Variants in CDH12 observed in about 807,000 individuals in gnomAD.
CDH12 encodes the protein cadherin-12.
Under a neutral mutation model 74.1 loss-of-function variants are expected in CDH12, and 41 were observed. That is an observed-to-expected ratio of 0.55 (90% CI 0.43 to 0.72). CDH12 has a LOEUF of 0.72. Among genes scored for constraint, CDH12 ranks in the 30% least tolerant of loss-of-function variants. CDH12 has a pLI of 0.00. For synonymous variants in CDH12, 399 were observed against 355.0 expected, an observed-to-expected ratio of 1.12 and a Z score of -1.39; for missense variants, 945 against 977.2, an observed-to-expected ratio of 0.97 and a Z score of 0.44.
At chr5:21,886,285 G>A (rs1752624944) in intron 6 of CDH12, among the ~76,000 whole-genome samples, 1 of 151,020 alleles carries the variant, frequency 6.6e-6, no homozygotes, top group Non-Finnish European at 1.5e-5. Flanking sequence ...AATGAAGTAT[G>A]TTTTTTTTCA....
intron 5 of CDH12, among the ~76,000 whole-genome samples, chr5:22,041,852 C>T (rs1332938913): frequency 5.3e-5 from 8 of 152,118 alleles, no homozygotes; most frequent in Admixed American, 5.2e-4. Flanking sequence ...CAGCAGAATA[C>T]AGATTCTTCT....
intron 6 of CDH12, among the ~76,000 whole-genome samples, chr5:21,873,909 C>T (rs1374069165): frequency 2.0e-5 from 2 of 102,182 alleles, no homozygotes; most frequent in Non-Finnish European, 4.1e-5. Context: ...TCCAGCTTCA[C>T]CCATGTCCCT....
At chr5:22,217,074 A>C (rs1434203090) in intron 3 of CDH12, among the ~76,000 whole-genome samples, 1 of 151,828 alleles carries the variant, frequency 6.6e-6, no homozygotes, top group Non-Finnish European at 1.5e-5. Context: ...CATGCCCCAA[A>C]CAACTTATTT....
intron 2 of CDH12, among the ~76,000 whole-genome samples, chr5:22,474,720 C>A (rs181559380): frequency 2.0e-5 from 3 of 152,032 alleles, no homozygotes; most frequent in Non-Finnish European, 4.4e-5. Context: ...ATATACAATA[C>A]ATAGATCAGA....
rs534809170 is a variant in CDH12, at chr5:21,909,933, G to T, written c.527-55143C>A. 5.3e-5 allele frequency among the ~76,000 whole-genome samples: 8 copies of T among 152,222 alleles called. No homozygotes were observed. In the East Asian group the frequency reaches 1.2e-3, roughly 22 times the overall value. On this transcript the variant is annotated intron_variant, in intron 6 of 14. Coordinates refer to ENST00000382254, the MANE Select transcript of CDH12 (RefSeq NM_004061.5). ...TGTAACCCATCCATTTCAAGAGCTA[G>T]TTGACTGGCATGGAATTCCAAATGC...
intron 1 of CDH12, among the ~76,000 whole-genome samples, chr5:22,566,236 T>C (rs948580043): frequency 6.6e-6 from 1 of 151,680 alleles, no homozygotes; most frequent in East Asian, 1.9e-4. Flanking sequence ...TGTTCTTTTT[T>C]CTTTCTTTTT....
At chr5:22,569,562 TG>T (rs1411326052) in intron 1 of CDH12, among the ~76,000 whole-genome samples, 9 of 152,252 alleles carry the variant, frequency 5.9e-5, no homozygotes, top group Admixed American at 1.3e-4. Flanking sequence ...ATCCTGATAC[TG>T]CTCTATCAAC....
chr5:22,344,494 C>A (rs187697480), intron 3 of CDH12, among the ~76,000 whole-genome samples: 1 of 151,966 alleles, frequency 6.6e-6, no homozygotes, highest in Non-Finnish European at 1.5e-5. Context: ...AGATAAGTTT[C>A]AATGTATTTT....
intron 1 of CDH12, among the ~76,000 whole-genome samples, chr5:22,716,585 T>C (rs1743589103): frequency 6.8e-6 from 1 of 147,120 alleles, no homozygotes; most frequent in Non-Finnish European, 1.5e-5. Context: ...CTTAAGCCTA[T>C]TGAGATTAAA....
At chr5:22,333,086 G>A (rs945963146) in intron 3 of CDH12, among the ~76,000 whole-genome samples, 39 of 152,030 alleles carry the variant, frequency 2.6e-4, no homozygotes, top group Non-Finnish European at 1.5e-5. Context: ...TCAATGATAG[G>A]CTGGATAAAG....
intron 4 of CDH12, among the ~76,000 whole-genome samples, chr5:22,125,625 CT>C (rs1159777265): frequency 6.6e-6 from 1 of 152,122 alleles, no homozygotes; most frequent in Admixed American, 6.5e-5. Context: ...TTAGACTGCA[CT>C]TCTACCACCA....
At chr5:22,444,365 C>T (rs975122774) in intron 2 of CDH12, among the ~76,000 whole-genome samples, 11 of 151,968 alleles carry the variant, frequency 7.2e-5, no homozygotes, top group African/African-American at 2.2e-4. Flanking sequence ...TTCTCCCTCT[C>T]GTTTGTAGTT....
intron 3 of CDH12, among the ~76,000 whole-genome samples, chr5:22,395,735 C>T (rs1266922227): frequency 6.6e-6 from 1 of 152,032 alleles, no homozygotes; most frequent in African/African-American, 2.4e-5. Flanking sequence ...ATGTAGGGAA[C>T]ATCGCCACGT....
intron 4 of CDH12, among the ~76,000 whole-genome samples, chr5:22,120,422 A>G (rs1210828242): frequency 2.6e-5 from 4 of 152,164 alleles, no homozygotes; most frequent in Admixed American, 1.3e-4. Flanking sequence ...GAAAAATTAC[A>G]TTTGAGGTTA....
intron 1 of CDH12, among the ~76,000 whole-genome samples, chr5:22,838,503 C>A (rs911081188): frequency 2.0e-5 from 3 of 152,126 alleles, no homozygotes; most frequent in Non-Finnish European, 2.9e-5. Flanking sequence ...GGCTCTATTT[C>A]CATGACTGTA....
At chr5:22,032,845 CAAAG>C (rs1016407679) in intron 5 of CDH12, among the ~76,000 whole-genome samples, 1 of 149,340 alleles carries the variant, frequency 6.7e-6, no homozygotes, top group Non-Finnish European at 1.5e-5. Context: ...CGCACACACA[CAAAG>C]GAAGGACTCC....
intron 1 of CDH12, among the ~76,000 whole-genome samples, chr5:22,575,741 TTTTAGTAGAGAC>T (rs1402970112): frequency 3.3e-5 from 5 of 152,048 alleles, no homozygotes; most frequent in Admixed American, 2.6e-4. Flanking sequence ...ATTTTCGTAT[TTTTAGTAGAGAC>T]AGGGTTTCAT....
chr5:22,636,399 A>C (rs1738842490), intron 1 of CDH12, among the ~76,000 whole-genome samples: 1 of 152,308 alleles, frequency 6.6e-6, no homozygotes, highest in African/African-American at 2.4e-5. Context: ...ATAATAATTA[A>C]AATGTGGAAA....
At position 22,697,067 on chromosome 5, in the gene CDH12, G is replaced by A. The variant is rs573044181; in HGVS notation, c.-523+155991C>T. ...CTGAGCCCATGGTTAGATTCACAGC[G>A]CATTTCACTAGGGGAATCCCTTTAG... is the stretch of plus-strand genomic sequence containing the variant. On this transcript the variant is annotated intron_variant, in intron 1 of 14. Transcript: ENST00000382254. Among the ~76,000 whole-genome samples the A allele has an allele frequency of 9.2e-5, 14 of 152,192 alleles. No homozygotes were observed. The South Asian group carries it at 2.9e-3, about 32-fold the overall frequency.
Sources: gnomAD v4.1 joint callset for allele counts (sites outside exome capture counted in the v4.1 genomes callset) on GRCh38, gnomAD v4.1.1 for gene constraint, MANE v1.5 for transcripts, NCBI Gene and HGNC (gene_info 2026-07-23, HGNC 2026-07-21) for gene names.